Variants in SLC16A10 observed in about 807,000 individuals in gnomAD.
SLC16A10 encodes the protein solute carrier family 16 member 10, also known as monocarboxylate transporter 10.
SLC16A10 carries 27 observed loss-of-function variants against 40.0 expected under a neutral mutation model. The observed-to-expected ratio is 0.67, with a 90% CI of 0.50 to 0.93. SLC16A10 has a LOEUF of 0.93. Among genes scored for constraint, SLC16A10 ranks in the 40% least tolerant of loss-of-function variants. SLC16A10 has a pLI of 0.00. For synonymous variants in SLC16A10, 213 were observed against 249.8 expected (o/e 0.85, Z 1.39); for missense variants, 529 against 658.2 (o/e 0.80, Z 2.15).
intron 1 of SLC16A10, among the ~76,000 whole-genome samples, chr6:111,150,826 C>T (rs1772160215): frequency 1.3e-5 from 2 of 152,060 alleles, no homozygotes; most frequent in Admixed American, 6.5e-5. Flanking sequence ...AAGGAGTTTC[C>T]CTGTGGCAAG....
At chr6:111,134,073 G>T (rs1771833016) in intron 1 of SLC16A10, among the ~76,000 whole-genome samples, 1 of 152,178 alleles carries the variant, frequency 6.6e-6, no homozygotes, top group Non-Finnish European at 1.5e-5. Context: ...CGAGAGTTTG[G>T]CAATCTCTGG....
Position 111,229,189 on chromosome 6 carries a change from A to G in SLC16A10, c.*6954A>G, listed in dbSNP as rs1054248633. The G allele has an allele frequency of 2.6e-5, 4 of 152,122 alleles. No individual in the cohort carries two copies. The highest frequency in any genetic ancestry group is 2.6e-4 in the Admixed American group (4 of 15,260). 9.4% of individuals were successfully genotyped at this position (152,122 alleles called of 1,614,324 possible). On this transcript the variant is annotated 3_prime_UTR_variant, in exon 6 of 6. Coordinates refer to ENST00000368851, the MANE Select transcript of SLC16A10 (RefSeq NM_018593.5). ...TTATTTTTCTTTTAAAAATATTAAT[A>G]TACAACACAATAGAAAATGTATACA...
At chr6:111,138,824 C>T (rs925720342) in intron 1 of SLC16A10, among the ~76,000 whole-genome samples, 2 of 152,106 alleles carry the variant, frequency 1.3e-5, no homozygotes, top group Non-Finnish European at 1.5e-5. Context: ...TAGTTCCTTC[C>T]TAGCTCTTCT....
At chr6:111,157,621 T>C (rs921767008) in intron 1 of SLC16A10, among the ~76,000 whole-genome samples, 6 of 152,098 alleles carry the variant, frequency 3.9e-5, no homozygotes, top group Non-Finnish European at 7.4e-5. Flanking sequence ...TTTCCAAGAA[T>C]TGAAGATACA....
At chr6:111,090,988 C>T (rs1168585395) in intron 1 of SLC16A10, among the ~76,000 whole-genome samples, 1 of 152,136 alleles carries the variant, frequency 6.6e-6, no homozygotes, top group African/African-American at 2.4e-5. Context: ...ATCTAGGTCT[C>T]CAAATGATGG....
chr6:111,144,493 G>A (rs140478834), intron 1 of SLC16A10, among the ~76,000 whole-genome samples: 1,629 of 152,292 alleles, frequency 0.011, 15 homozygotes, highest in African/African-American at 0.037. Context: ...ATGAGCCACC[G>A]CGCCTGGCCT....
intron 3 of SLC16A10, among the ~76,000 whole-genome samples, chr6:111,181,076 G>A (rs1053133176): frequency 8.5e-5 from 13 of 152,090 alleles, no homozygotes; most frequent in African/African-American, 3.1e-4. Flanking sequence ...TTAGCTGGAC[G>A]TGATTGCTTG....
At chr6:111,133,554 C>T (rs548047553) in intron 1 of SLC16A10, among the ~76,000 whole-genome samples, 3 of 152,254 alleles carry the variant, frequency 2.0e-5, no homozygotes, top group Admixed American at 2.0e-4. Context: ...ATTATAACAC[C>T]ATCTTACAAC....
At chr6:111,116,569 G>C (rs1771491198) in intron 1 of SLC16A10, among the ~76,000 whole-genome samples, 1 of 152,172 alleles carries the variant, frequency 6.6e-6, no homozygotes, top group African/African-American at 2.4e-5. Context: ...TACAGGAATG[G>C]TTAAATGCTG....
Position 111,208,708 on chromosome 6 carries a change from ATC to A in SLC16A10, c.1086+1977_1086+1978del, listed in dbSNP as rs150165888. On this transcript the variant is annotated intron_variant, in intron 4 of 5. Coordinates refer to ENST00000368851, the MANE Select transcript of SLC16A10 (RefSeq NM_018593.5). ...TTTATATGAAGTGTCCAGAATAGGA[ATC>A]TCTGTCTCTTTCCATAGAGAAAGAA... 2.3e-3 allele frequency among the ~76,000 whole-genome samples: 357 copies of A among 152,332 alleles called. 1 individual carries two copies. Among genetic ancestry groups the A allele is most frequent in the Middle Eastern group, 0.01 (3 of 294 alleles).
intron 3 of SLC16A10, among the ~76,000 whole-genome samples, chr6:111,190,502 C>T (rs1267976811): frequency 2.6e-5 from 4 of 152,238 alleles, no homozygotes; most frequent in African/African-American, 4.8e-5. Context: ...CCACATTTCC[C>T]TTCCACACTG....
chr6:111,221,031 AT>A (rs60733027), intron 5 of SLC16A10, among the ~76,000 whole-genome samples: 2,077 of 152,358 alleles, frequency 0.014, 47 homozygotes, highest in African/African-American at 0.048. Context: ...GGATGTACAC[AT>A]TTTTATGTGT....
chr6:111,166,512 T>C (rs1772477042), intron 1 of SLC16A10, among the ~76,000 whole-genome samples: 1 of 152,184 alleles, frequency 6.6e-6, no homozygotes, highest in Non-Finnish European at 1.5e-5. Context: ...TTTAAGGCTA[T>C]TAGACCAATA....
chr6:111,113,611 G>GGATGA (rs931395660), intron 1 of SLC16A10, among the ~76,000 whole-genome samples: 1 of 152,138 alleles, frequency 6.6e-6, no homozygotes, highest in Non-Finnish European at 1.5e-5. Flanking sequence ...TTCATTGTGG[G>GGATGA]GATTGTGTGT....
intron 1 of SLC16A10, among the ~76,000 whole-genome samples, 198 bp from the exon 2 acceptor site, chr6:111,172,497 A>G (rs1772603731): frequency 1.3e-5 from 2 of 152,232 alleles, no homozygotes; most frequent in South Asian, 4.1e-4. Flanking sequence ...TAAAATAAAT[A>G]CCCAGTAACT....
At chr6:111,139,081 T>TTCC (rs1771934079) in intron 1 of SLC16A10, among the ~76,000 whole-genome samples, 1 of 44,010 alleles carries the variant, frequency 2.3e-5, no homozygotes, top group African/African-American at 7.7e-5. Context: ...GCTTTTTTTT[T>TTCC]TCTTCTTCTT....
chr6:111,224,021 C>T lies in SLC16A10; in HGVS notation c.*1786C>T, dbSNP rs572449493. The T allele has an allele frequency of 6.6e-6, 1 of 152,398 alleles. No homozygotes were observed. The highest frequency in any genetic ancestry group is 2.1e-4 in the South Asian group (1 of 4,826). The allele number at this position is 152,398 out of a possible 1,614,324, so 9.4% of individuals were successfully genotyped here. A position where few individuals can be genotyped will look rare whatever the true frequency, so the allele number is the denominator to read the frequency against. ...TTGGTAGTCCAAGGCAGGGGGATCA[C>T]TTGAGCCCAGAAGTTCAAGACCAGC... On this transcript the variant is annotated 3_prime_UTR_variant, in exon 6 of 6. Transcript: ENST00000368851.
At chr6:111,100,021 CAAAA>C (rs56154710) in intron 1 of SLC16A10, among the ~76,000 whole-genome samples, 14 of 112,582 alleles carry the variant, frequency 1.2e-4, no homozygotes, top group Admixed American at 1.8e-4. Context: ...GACCCTGTCT[CAAAA>C]AAAAAAAAAA....
At chr6:111,207,207 G>T (rs997605132) in intron 4 of SLC16A10, among the ~76,000 whole-genome samples, 2 of 152,222 alleles carry the variant, frequency 1.3e-5, no homozygotes, top group African/African-American at 2.4e-5. Context: ...TGAGAAATTG[G>T]CAATGAAACA....
Sources: allele counts gnomAD v4.1 joint callset (sites outside exome capture counted in the v4.1 genomes callset), GRCh38; gene constraint gnomAD v4.1.1; transcripts MANE v1.5; gene names NCBI Gene and HGNC (gene_info 2026-07-23, HGNC 2026-07-21).